The following SMTN variants were observed in gnomAD, a reference collection of about 807,000 sequenced individuals.
The protein encoded by SMTN is smoothelin.
Under a neutral mutation model 102.0 loss-of-function variants are expected in SMTN, and 58 were observed. The ratio of observed to expected loss-of-function variants is 0.57; its 90% CI spans 0.46 to 0.71. The LOEUF is 0.71. Ranked by LOEUF, SMTN falls within the 30% of genes least tolerant of loss-of-function variation. The probability of loss-of-function intolerance (pLI) is 0.00; values close to 1 mark genes in which losing one functional copy is unlikely to be tolerated. For synonymous variants in SMTN, 478 were observed against 497.9 expected (o/e 0.96, Z 0.53); for missense variants, 1,185 against 1,241.7 (o/e 0.95, Z 0.69).
chr22:31,073,011 C>CTCTTTTTTT (rs1257016915), intron 1 of SMTN, among the ~76,000 whole-genome samples: 2 of 85,684 alleles, frequency 2.3e-5, no homozygotes, highest in African/African-American at 1.0e-4. Flanking sequence ...CTCTCTCTCT[C>CTCTTTTTTT]TTTTTTTTTT....
chr22:31,074,409 C>T (rs543090867), intron 1 of SMTN, among the ~76,000 whole-genome samples: 1 of 152,232 alleles, frequency 6.6e-6, no homozygotes, highest in African/African-American at 2.4e-5. Flanking sequence ...TCTAGAATCA[C>T]AGCCCTGGGC....
At chr22:31,070,071 A>C (rs1458581426) in intron 1 of SMTN, among the ~76,000 whole-genome samples, 1 of 152,160 alleles carries the variant, frequency 6.6e-6, no homozygotes, top group Non-Finnish European at 1.5e-5. Flanking sequence ...AGAGACACAC[A>C]TCATCCAGGT....
chr22:31,084,975 G>C, intron 2 of SMTN: 2 of 1,455,798 alleles, frequency 1.4e-6, no homozygotes, highest in Non-Finnish European at 1.8e-6. Flanking sequence ...AGCTAGGCCC[G>C]CTCCGCCCGC....
In SMTN at chr22:31,093,335, C is replaced by T. The variant is rs189572667; in HGVS notation, c.1632+1488C>T. 183 of 316,974 alleles carry T rather than the reference C, an allele frequency of 5.8e-4. No individual in the cohort carries two copies. In the East Asian group the frequency reaches 0.013, roughly 22 times the overall value. The allele number at this position is 316,974 out of a possible 1,614,324, so 19.6% of individuals were successfully genotyped here. Reference sequence around the variant, plus strand: ...CTGGGAGGCAGGGGCGGGGCAGGCCCGCTGCCCTTGCCTTTGCCCTCGGAC... The same window carrying T: ...CTGGGAGGCAGGGGCGGGGCAGGCCTGCTGCCCTTGCCTTTGCCCTCGGAC... On this transcript the variant is annotated intron_variant, in intron 11 of 20. Coordinates refer to ENST00000333137, the MANE Select transcript of SMTN (RefSeq NM_134269.3).
intron 6 of SMTN, 183 bp from the exon 7 acceptor site, chr22:31,089,516 G>T: frequency 1.6e-6 from 1 of 614,896 alleles, no homozygotes. Flanking sequence ...TTGGGAAGTG[G>T]GGATCAGAGA....
intron 1 of SMTN, chr22:31,082,055 G>A (rs2042343973): frequency 2.6e-5 from 4 of 156,500 alleles, no homozygotes; most frequent in South Asian, 3.6e-4. Context: ...TGTGTGGAGC[G>A]GTAACCCTCA....
At chr22:31,099,238 C>A in intron 18 of SMTN, 59 bp downstream of exon 18, 1 of 1,100,642 alleles carries the variant, frequency 9.1e-7, no homozygotes, top group Non-Finnish European at 1.4e-6. Flanking sequence ...TCAACACCTC[C>A]TTCTTAGCAG....
chr22:31,084,918 C>T, intron 2 of SMTN: 1 of 1,314,928 alleles, frequency 7.6e-7, no homozygotes, highest in Non-Finnish European at 9.8e-7. Flanking sequence ...AGAACGGGGG[C>T]GTCCCGAGCC....
Position 31,089,949 on chromosome 22 carries a change from C to T in SMTN, c.722C>T (p.Pro241Leu), listed in dbSNP as rs1218758055. 6.3e-7 allele frequency: 1 copy of T among 1,599,880 alleles called. No homozygotes were observed. The highest frequency in any genetic ancestry group is 1.7e-5 in the Admixed American group (1 of 57,550). The stretch of plus-strand genomic sequence containing the variant: ...AGCCCAGAGCCACCCCCCAGCCCAC[C>T]CAAGACCACCAGCCCTGAGCCTCAG... ...PGSPEPPPSP[P>L]KTTSPEPQES... The change falls in exon 7 of 21, where the codon CCC (proline) becomes CTC (leucine). Residue 241 changes from proline (P) to leucine (L), a missense_variant. Coordinates refer to ENST00000333137, the MANE Select transcript of SMTN (RefSeq NM_134269.3).
chr22:31,082,816 G>A, intron 1 of SMTN: 10 of 1,480,494 alleles, frequency 6.8e-6, no homozygotes, highest in Non-Finnish European at 9.0e-6. Flanking sequence ...GGAAACTGGA[G>A]ACTGGAGTGC....
upstream of SMTN, among the ~76,000 whole-genome samples, chr22:31,077,508 C>T (rs935419583): frequency 6.6e-5 from 10 of 152,080 alleles, no homozygotes; most frequent in African/African-American, 2.2e-4. Flanking sequence ...AACAAAATTG[C>T]CACACATGTA....
chr22:31,098,926 C>G, intron 17 of SMTN, 86 bp downstream of exon 17: 1 of 1,546,886 alleles, frequency 6.5e-7, no homozygotes, highest in Non-Finnish European at 8.8e-7. Context: ...CCGGCAGAGG[C>G]GGGAAGACCG....
At chr22:31,085,128 G>T in intron 2 of SMTN, 3 of 1,535,370 alleles carry the variant, frequency 2.0e-6, no homozygotes, top group Admixed American at 2.0e-5. Context: ...TCCACCACCC[G>T]CCGGGACGCC....
At chr22:31,103,935 C>T (rs1295388741) in intron 20 of SMTN, 2 of 227,150 alleles carry the variant, frequency 8.8e-6, no homozygotes, top group Admixed American at 9.9e-5. Context: ...GTGCAAAGGC[C>T]GAGCTGAGAG....
intron 19 of SMTN, among the ~76,000 whole-genome samples, chr22:31,100,505 C>T (rs2043989474): frequency 6.6e-6 from 1 of 151,990 alleles, no homozygotes; most frequent in African/African-American, 2.4e-5. Flanking sequence ...CCTCTCACGC[C>T]TCCCTCACCC....
intron 1 of SMTN, among the ~76,000 whole-genome samples, chr22:31,075,511 T>C (rs2042107529): frequency 6.6e-6 from 1 of 152,008 alleles, no homozygotes. Context: ...CAAAACCCCG[T>C]CTCTACTGAA....
At chr22:31,093,867 C>T in intron 11 of SMTN, 1 of 1,571,714 alleles carries the variant, frequency 6.4e-7, no homozygotes, top group Non-Finnish European at 8.6e-7. Context: ...CCACCCGCAG[C>T]ACTAGTCTCG....
chr22:31,088,664 C>T, intron 4 of SMTN, 35 bp from the exon 5 acceptor site: 2 of 1,613,148 alleles, frequency 1.2e-6, no homozygotes, highest in Non-Finnish European at 1.7e-6. Flanking sequence ...CTGGACTCCA[C>T]AGCCCAACAC....
At chr22:31,078,027 A>AAGGTCGT (rs1428349129), upstream of SMTN, among the ~76,000 whole-genome samples, 1 of 152,196 alleles carries the variant, frequency 6.6e-6, no homozygotes, top group African/African-American at 2.4e-5. Context: ...GTTGCCCAAC[A>AAGGTCGT]AGGTCGTCAC....
Sources: gnomAD v4.1 joint callset for allele counts (sites outside exome capture counted in the v4.1 genomes callset) on GRCh38, gnomAD v4.1.1 for gene constraint, MANE v1.5 for transcripts, NCBI Gene and HGNC (gene_info 2026-07-23, HGNC 2026-07-21) for gene names.